Variants in PRSS23 observed in about 807,000 individuals in gnomAD.
PRSS23 encodes the protein serine protease 23.
A neutral mutation model predicts 34.7 loss-of-function variants in PRSS23; 25 were observed. The observed-to-expected ratio is 0.72, with a 90% CI of 0.53 to 1.01. PRSS23 has a LOEUF of 1.01. Ranked by LOEUF, PRSS23 falls within the 50% of genes least tolerant of loss-of-function variation. PRSS23 has a pLI of 0.00. For synonymous variants in PRSS23, 176 were observed against 186.6 expected (o/e 0.94, Z 0.46); for missense variants, 445 against 475.6 (o/e 0.94, Z 0.60).
chr11:86,811,439 A>G (rs1036422861), downstream of PRSS23, among the ~76,000 whole-genome samples: 9 of 152,138 alleles, frequency 5.9e-5, no homozygotes, highest in Non-Finnish European at 7.3e-5. Flanking sequence ...AGAAGTAATA[A>G]ATTTGAAAAT....
At chr11:86,872,475 C>T (rs1948691619) in intron 2 of PRSS23, among the ~76,000 whole-genome samples, 2 of 152,242 alleles carry the variant, frequency 1.3e-5, no homozygotes, top group South Asian at 2.1e-4. Flanking sequence ...CGTACTCTGC[C>T]CATTCCTCCA....
intron 2 of PRSS23, among the ~76,000 whole-genome samples, chr11:86,835,801 A>T (rs1196751872): frequency 6.6e-6 from 1 of 152,164 alleles, no homozygotes; most frequent in African/African-American, 2.4e-5. Flanking sequence ...ACAGGTAGTG[A>T]GGAAATTTAA....
intron 2 of PRSS23, among the ~76,000 whole-genome samples, chr11:86,875,104 C>T (rs1404581699): frequency 6.6e-6 from 1 of 152,238 alleles, no homozygotes; most frequent in Non-Finnish European, 1.5e-5. Context: ...CCCAGTCTCA[C>T]AACTGCTGTA....
In PRSS23 at chr11:86,951,749, C is replaced by T. The variant is rs2135040743; in HGVS notation, c.*464C>T. The T allele has an allele frequency of 6.2e-7, 1 of 1,614,162 alleles. No homozygotes were observed. Among genetic ancestry groups the T allele is most frequent in the Non-Finnish European group, 8.5e-7 (1 of 1,180,038 alleles). ...GCTGTGCATTTCAATGGCTTCATGA[C>T]CCCATTTGAGTCCTGCTGCCAAAAA... On this transcript the variant is annotated 3_prime_UTR_variant, in exon 3 of 3. Transcript: ENST00000533902.
intron 1 of PRSS23, among the ~76,000 whole-genome samples, chr11:86,804,180 TAAG>T (rs1373077696): frequency 6.6e-6 from 1 of 152,186 alleles, no homozygotes; most frequent in African/African-American, 2.4e-5. Flanking sequence ...CTAAGCAACT[TAAG>T]AAGCTTGTAG....
At chr11:86,873,062 G>C (rs2134949534) in intron 2 of PRSS23, among the ~76,000 whole-genome samples, 1 of 151,964 alleles carries the variant, frequency 6.6e-6, no homozygotes, top group Non-Finnish European at 1.5e-5. Context: ...ATCCTCCACT[G>C]TATTTCAGGG....
At chr11:86,879,732 A>G (rs1948757758) in intron 2 of PRSS23, among the ~76,000 whole-genome samples, 1 of 130,606 alleles carries the variant, frequency 7.7e-6, no homozygotes, top group East Asian at 2.4e-4. Flanking sequence ...TGGGGGTGTC[A>G]GCCCCCCGCC....
intron 2 of PRSS23, among the ~76,000 whole-genome samples, chr11:86,895,756 A>G (rs1197022789): frequency 6.6e-6 from 1 of 152,200 alleles, no homozygotes; most frequent in Non-Finnish European, 1.5e-5. Flanking sequence ...CCGGGACTAC[A>G]GGTGTGAACC....
At chr11:86,859,680 C>G (rs1028866972) in intron 2 of PRSS23, among the ~76,000 whole-genome samples, 1 of 151,880 alleles carries the variant, frequency 6.6e-6, no homozygotes, top group African/African-American at 2.4e-5. Context: ...TGATATTACT[C>G]CCAATATCCC....
At chr11:86,908,671 G>A (rs1352168063) in intron 2 of PRSS23, among the ~76,000 whole-genome samples, 1 of 152,068 alleles carries the variant, frequency 6.6e-6, no homozygotes, top group South Asian at 2.1e-4. Context: ...TAGAAACATG[G>A]AAAATGTTTA....
chr11:86,910,930 ATAAT>A (rs1197822583), intron 2 of PRSS23: 3 of 152,190 alleles, frequency 2.0e-5, no homozygotes, highest in Non-Finnish European at 4.4e-5. Flanking sequence ...TGTTCAATGA[ATAAT>A]TAATTCACAG....
chr11:86,820,654 T>C (rs575788087), intron 1 of PRSS23, among the ~76,000 whole-genome samples: 1 of 152,330 alleles, frequency 6.6e-6, no homozygotes, highest in East Asian at 1.9e-4. Flanking sequence ...TAAACAGAAT[T>C]TTAAAACACT....
chr11:86,853,410 T>C (rs1948545360), intron 2 of PRSS23, among the ~76,000 whole-genome samples: 1 of 151,200 alleles, frequency 6.6e-6, no homozygotes, highest in South Asian at 2.1e-4. Flanking sequence ...TGCGCCACCA[T>C]GCCTGGCTAA....
At chr11:86,828,728 G>A (rs1203962960) in intron 2 of PRSS23, among the ~76,000 whole-genome samples, 1 of 152,130 alleles carries the variant, frequency 6.6e-6, no homozygotes, top group Non-Finnish European at 1.5e-5. Flanking sequence ...CGTCTGTAAA[G>A]TATTTTATTT....
intron 2 of PRSS23, among the ~76,000 whole-genome samples, chr11:86,903,428 C>T (rs1800148570): frequency 6.6e-6 from 1 of 151,614 alleles, no homozygotes; most frequent in African/African-American, 2.4e-5. Flanking sequence ...CAGCCCTATA[C>T]AGTACCACAA....
At chr11:86,902,485 T>A (rs1565381513) in intron 2 of PRSS23, among the ~76,000 whole-genome samples, 1 of 152,218 alleles carries the variant, frequency 6.6e-6, no homozygotes, top group South Asian at 2.1e-4. Context: ...TGGCTTTCTG[T>A]CAGACCAAGA....
rs570926993 is a variant in PRSS23, at chr11:86,857,231, C to T, written c.206+33638C>T. The T allele has an allele frequency of 6.0e-4, 208 of 347,134 alleles. 1 individual carries two copies. The highest frequency in any genetic ancestry group is 3.9e-3 in the African/African-American group (178 of 45,102). 21.5% of individuals were successfully genotyped at this position (347,134 alleles called of 1,614,324 possible). A position where few individuals can be genotyped will look rare whatever the true frequency, so the allele number is the denominator to read the frequency against. On this transcript the variant is annotated intron_variant, in intron 2 of 2. Coordinates refer to the PRSS23 transcript ENST00000533902. Reference sequence around the variant, plus strand: ...GATGACACAGCTGAAGTCAGGTACACGCCAATGCCTGTTTCATAAAATAAG... The same window carrying T: ...GATGACACAGCTGAAGTCAGGTACATGCCAATGCCTGTTTCATAAAATAAG...
At position 86,847,111 on chromosome 11, in the gene PRSS23, G is replaced by T. The variant is rs566142354; in HGVS notation, c.206+23518G>T. Among the ~76,000 whole-genome samples, 2 of 152,068 alleles carry T rather than the reference G, an allele frequency of 1.3e-5. 1 individual carries two copies. Among genetic ancestry groups the T allele is most frequent in the South Asian group, 4.2e-4 (2 of 4,816 alleles). On this transcript the variant is annotated intron_variant, in intron 2 of 2. Transcript: ENST00000533902. The stretch of plus-strand genomic sequence containing the variant: ...CAGGATACTGGTACCACCTTGAGAG[G>T]GGGGCTTACTCTTTTGATGGCAAGT...
chr11:86,899,566 G>A (rs905059199), intron 2 of PRSS23, among the ~76,000 whole-genome samples: 3 of 150,932 alleles, frequency 2.0e-5, no homozygotes, highest in African/African-American at 7.3e-5. Context: ...CCAGGCTGGC[G>A]TGCAGTGGCA....
Sources: gnomAD v4.1 joint callset for allele counts (sites outside exome capture counted in the v4.1 genomes callset) on GRCh38, gnomAD v4.1.1 for gene constraint, MANE v1.5 for transcripts, NCBI Gene and HGNC (gene_info 2026-07-23, HGNC 2026-07-21) for gene names.